DSE: variants seen among roughly 807,000 people sequenced by gnomAD.
DSE encodes dermatan sulfate epimerase.
In DSE, 36 loss-of-function variants were observed where a neutral mutation model predicts 84.4. That is an observed-to-expected ratio of 0.43 (90% CI 0.33 to 0.56). The LOEUF (loss-of-function observed/expected upper bound fraction) is 0.56. Ranked by LOEUF, DSE falls within the 20% of genes least tolerant of loss-of-function variation. The pLI is 0.06. For missense variants in DSE, 862 were observed against 1,169.6 expected, an observed-to-expected ratio of 0.74 and a Z score of 3.84; for synonymous variants, 410 against 430.1, an observed-to-expected ratio of 0.95 and a Z score of 0.58.
chr6:116,378,554 C>G (rs1444342300), intron 1 of DSE, among the ~76,000 whole-genome samples: 1 of 152,122 alleles, frequency 6.6e-6, no homozygotes, highest in Admixed American at 6.5e-5. Flanking sequence ...CCTCCATCCC[C>G]TGCTTAATCT....
At chr6:116,349,386 G>A (rs746657663) in intron 2 of DSE, among the ~76,000 whole-genome samples, 1 of 152,162 alleles carries the variant, frequency 6.6e-6, no homozygotes, top group Non-Finnish European at 1.5e-5. Context: ...CAGAGTTCAG[G>A]TGCTTTCAAG....
At chr6:116,380,909 C>T (rs1317021614) in intron 1 of DSE, among the ~76,000 whole-genome samples, 3 of 152,084 alleles carry the variant, frequency 2.0e-5, no homozygotes. Flanking sequence ...TTTTAATGCC[C>T]AATTCAGATA....
intron 2 of DSE, among the ~76,000 whole-genome samples, chr6:116,414,026 C>T (rs1057250760): frequency 6.6e-6 from 1 of 152,164 alleles, no homozygotes; most frequent in Non-Finnish European, 1.5e-5. Flanking sequence ...CAGGCAGCGA[C>T]AGGAAGATGA....
intron 1 of DSE, among the ~76,000 whole-genome samples, chr6:116,373,228 T>C (rs909494150): frequency 6.6e-6 from 1 of 152,172 alleles, no homozygotes; most frequent in Non-Finnish European, 1.5e-5. Context: ...CTGGGCGTGG[T>C]GTCGCGCGCC....
intron 1 of DSE, among the ~76,000 whole-genome samples, chr6:116,390,062 T>C (rs1780801752): frequency 6.6e-6 from 1 of 151,930 alleles, no homozygotes; most frequent in Admixed American, 6.6e-5. Context: ...CCTAACATAG[T>C]TCCAGGATTT....
At chr6:116,340,342 ATTCT>A in intron 2 of DSE, among the ~76,000 whole-genome samples, 1 of 151,918 alleles carries the variant, frequency 6.6e-6, no homozygotes, top group South Asian at 2.1e-4. Flanking sequence ...AAGTTCATTG[ATTCT>A]TTCTTCTGCC....
chr6:116,311,075 C>T (rs1480655128), intron 2 of DSE, among the ~76,000 whole-genome samples: 1 of 152,200 alleles, frequency 6.6e-6, no homozygotes, highest in African/African-American at 2.4e-5. Flanking sequence ...AATGTACTTC[C>T]TCAGACTTTT....
chr6:116,273,932 C>A (rs892313784), intron 2 of DSE, among the ~76,000 whole-genome samples: 2 of 150,702 alleles, frequency 1.3e-5, no homozygotes, highest in Non-Finnish European at 2.9e-5. Context: ...TGGGTTCAAG[C>A]GATTCTCCTG....
At chr6:116,423,937 C>T (rs1294006345) in intron 2 of DSE, among the ~76,000 whole-genome samples, 3 of 152,136 alleles carry the variant, frequency 2.0e-5, no homozygotes, top group Non-Finnish European at 4.4e-5. Flanking sequence ...AAACAAACTG[C>T]AGGTTGGGGC....
intron 1 of DSE, chr6:116,255,210 T>C (rs2114582289): frequency 1.3e-5 from 2 of 152,360 alleles, no homozygotes; most frequent in South Asian, 4.1e-4. Flanking sequence ...TATAACTCTT[T>C]GTAAAAGAAA....
intron 1 of DSE, among the ~76,000 whole-genome samples, chr6:116,383,403 C>T (rs144889606): frequency 4.6e-5 from 7 of 151,972 alleles, no homozygotes; most frequent in African/African-American, 1.2e-4. Flanking sequence ...AGTATACAAG[C>T]GAGAGAGAAG....
At chr6:116,321,891 C>T (rs534910905) in intron 2 of DSE, among the ~76,000 whole-genome samples, 1 of 152,256 alleles carries the variant, frequency 6.6e-6, no homozygotes, top group Non-Finnish European at 1.5e-5. Context: ...ACGTCTAGTA[C>T]CTGACAATCA....
intron 2 of DSE, chr6:116,278,290 G>A (rs2114631072): frequency 1.8e-6 from 1 of 565,746 alleles, no homozygotes; most frequent in East Asian, 3.2e-5. Flanking sequence ...TGACCTCGTA[G>A]CATGTGATAT....
At chr6:116,375,866 A>G (rs747682768) in intron 1 of DSE, among the ~76,000 whole-genome samples, 13 of 152,220 alleles carry the variant, frequency 8.5e-5, no homozygotes, top group Non-Finnish European at 1.6e-4. Flanking sequence ...GGACAGTGAT[A>G]TAGAGCTAGT....
chr6:116,352,833 A>G (rs1280489115), intron 2 of DSE, among the ~76,000 whole-genome samples: 1 of 152,164 alleles, frequency 6.6e-6, no homozygotes, highest in Non-Finnish European at 1.5e-5. Context: ...TCCAAAACTC[A>G]CCTAGCTTTC....
chr6:116,429,926 T>A lies in DSE; in HGVS notation c.671-1028T>A, dbSNP rs1472647526. On this transcript the variant is annotated intron_variant, in intron 3 of 5. Transcript: ENST00000644252. ...GAGATTGCGCCACTGCACTCCCGTCTGGGCCACAGAGCGAGACTCCGTCTC... is the reference window on the plus strand; with the variant it reads ...GAGATTGCGCCACTGCACTCCCGTCAGGGCCACAGAGCGAGACTCCGTCTC... Among the ~76,000 whole-genome samples the A allele has an allele frequency of 1.5e-5, 2 of 135,774 alleles. 1 individual carries two copies. Among genetic ancestry groups the A allele is most frequent in the East Asian group, 4.2e-4 (2 of 4,792 alleles). The allele number at this position is 135,774 out of a possible 152,430, so 89.1% of individuals were successfully genotyped here. A position where few individuals can be genotyped will look rare whatever the true frequency, so the allele number is the denominator to read the frequency against.
At chr6:116,423,048 G>T (rs1347210334) in intron 2 of DSE, 1 of 152,116 alleles carries the variant, frequency 6.6e-6, no homozygotes, top group Non-Finnish European at 1.5e-5. Context: ...TAACACAGTA[G>T]CTGAATGTCA....
chr6:116,358,302 G>T (rs1778690075), intron 2 of DSE, among the ~76,000 whole-genome samples: 1 of 152,214 alleles, frequency 6.6e-6, no homozygotes, highest in South Asian at 2.1e-4. Flanking sequence ...AAAATGTCAT[G>T]TTTGGAGATA....
At chr6:116,396,475 T>C (rs954673196) in intron 1 of DSE, among the ~76,000 whole-genome samples, 19 of 152,224 alleles carry the variant, frequency 1.2e-4, no homozygotes, top group African/African-American at 4.6e-4. Flanking sequence ...AGAATCTCTA[T>C]GGGTTCTGCA....
Sources: allele counts gnomAD v4.1 joint callset (sites outside exome capture counted in the v4.1 genomes callset), GRCh38; gene constraint gnomAD v4.1.1; transcripts MANE v1.5; gene names NCBI Gene and HGNC (gene_info 2026-07-23, HGNC 2026-07-21).